CCNH: variants seen among roughly 807,000 people sequenced by gnomAD.
CCNH encodes the protein cyclin-H.
A neutral mutation model predicts 41.9 loss-of-function variants in CCNH; 31 were observed. The observed-to-expected ratio is 0.74, with a 90% CI of 0.56 to 1.00. The LOEUF is 1.00. CCNH is among the 50% of genes least tolerant of loss of function. The pLI is 0.00. For synonymous variants in CCNH, 138 were observed against 136.1 expected (o/e 1.01, Z -0.10); for missense variants, 362 against 388.4 (o/e 0.93, Z 0.57).
chr5:87,350,845 A>G (rs1414002111), intron 9 of CCNH, among the ~76,000 whole-genome samples: 1 of 151,716 alleles, frequency 6.6e-6, no homozygotes, highest in African/African-American at 2.4e-5. Flanking sequence ...TAGTTTTAAC[A>G]TTAAACTTCT....
chr5:87,379,904 AT>A, upstream of CCNH: 2 of 1,546,138 alleles, frequency 1.3e-6, no homozygotes, highest in Non-Finnish European at 1.8e-6. Flanking sequence ...GTCTTCAGAA[AT>A]TTCTATTTCT....
chr5:87,338,975 A>G (rs1240288334), intron 9 of CCNH, among the ~76,000 whole-genome samples: 1 of 152,096 alleles, frequency 6.6e-6, no homozygotes, highest in Non-Finnish European at 1.5e-5. Context: ...TGGCTTTTAT[A>G]TTTCAGAGAC....
chr5:87,341,347 GA>G (rs35694079), intron 9 of CCNH: 407 of 1,190,532 alleles, frequency 3.4e-4, no homozygotes, highest in South Asian at 1.1e-3. Flanking sequence ...TTATTAAAAT[GA>G]AAAAAAAAAT....
At chr5:87,389,315 G>A (rs980894455), downstream of CCNH, 13 of 1,564,764 alleles carry the variant, frequency 8.3e-6, no homozygotes, top group South Asian at 3.3e-5. Context: ...TGGGCAACAA[G>A]AGCGAAACTC....
chr5:87,342,995 T>C (rs1269754869), intron 9 of CCNH, among the ~76,000 whole-genome samples: 1 of 152,206 alleles, frequency 6.6e-6, no homozygotes, highest in Non-Finnish European at 1.5e-5. Flanking sequence ...TCTTCCATTT[T>C]TCTTAACTTT....
chr5:87,356,182 A>G (rs1001317888), intron 9 of CCNH, among the ~76,000 whole-genome samples: 4 of 152,114 alleles, frequency 2.6e-5, no homozygotes, highest in African/African-American at 4.8e-5. Flanking sequence ...CTGTGGGTAA[A>G]ATGGTATCAA....
At chr5:87,376,226 C>T, downstream of CCNH, 1 of 755,324 alleles carries the variant, frequency 1.3e-6, no homozygotes, top group Non-Finnish European at 2.2e-6. Flanking sequence ...GCACCGTAGA[C>T]ACTCAGTAAA....
chr5:87,359,952 C>T (rs1425345968), intron 9 of CCNH, among the ~76,000 whole-genome samples: 5 of 152,086 alleles, frequency 3.3e-5, no homozygotes, highest in African/African-American at 4.8e-5. Context: ...TGGAACACAG[C>T]CATCTTGTAA....
At chr5:87,383,102 CAAAG>C (rs892691685) in intron 9 of CCNH, among the ~76,000 whole-genome samples, 10 of 151,476 alleles carry the variant, frequency 6.6e-5, no homozygotes, top group Non-Finnish European at 1.5e-4. Context: ...TCAAAGAAAA[CAAAG>C]AAAAAAGGAA....
chr5:87,348,402 A>C (rs1282288050), intron 9 of CCNH, among the ~76,000 whole-genome samples: 3 of 152,044 alleles, frequency 2.0e-5, no homozygotes, highest in Non-Finnish European at 4.4e-5. Flanking sequence ...GAAAAGGCAG[A>C]GCATCTATGT....
At chr5:87,387,457 G>A (rs1762141243), downstream of CCNH, among the ~76,000 whole-genome samples, 1 of 152,154 alleles carries the variant, frequency 6.6e-6, no homozygotes, top group Non-Finnish European at 1.5e-5. Context: ...CTAGGACCCT[G>A]CCTTTCTTAA....
chr5:87,406,412 T>C (rs972568511), intron 4 of CCNH, among the ~76,000 whole-genome samples: 25 of 151,910 alleles, frequency 1.6e-4, no homozygotes, highest in African/African-American at 4.4e-4. Context: ...AACCTGGGGG[T>C]TCTTCCTCTG....
chr5:87,411,927 T>C (rs578204001), intron 1 of CCNH, among the ~76,000 whole-genome samples: 7 of 151,828 alleles, frequency 4.6e-5, no homozygotes, highest in Non-Finnish European at 8.8e-5. Flanking sequence ...CTTGCTGGAG[T>C]GGAGCTTGCA....
At chr5:87,389,920 AATG>A (rs1475984724), downstream of CCNH, among the ~76,000 whole-genome samples, 14 of 152,280 alleles carry the variant, frequency 9.2e-5, no homozygotes, top group East Asian at 2.5e-3. Flanking sequence ...CTGTGAAACA[AATG>A]ATTATTATTT....
intron 9 of CCNH, chr5:87,330,804 T>G (rs1439471982): frequency 2.1e-6 from 1 of 486,946 alleles, no homozygotes; most frequent in Non-Finnish European, 3.4e-6. Flanking sequence ...GTAGATTATC[T>G]TAGAGCCAAA....
downstream of CCNH, among the ~76,000 whole-genome samples, chr5:87,316,000 TA>T (rs1223627546): frequency 2.6e-5 from 4 of 152,172 alleles, no homozygotes; most frequent in African/African-American, 4.8e-5. Context: ...TCCTTAAAAT[TA>T]AAAAAATTAT....
chr5:87,368,051 C>G (rs1389224968), intron 9 of CCNH, among the ~76,000 whole-genome samples: 1 of 152,004 alleles, frequency 6.6e-6, no homozygotes, highest in East Asian at 1.9e-4. Context: ...TTAGAAAACT[C>G]TTGGTTAGTA....
intron 2 of CCNH, 50 bp downstream of exon 2, chr5:87,411,174 T>C (rs1764206315): frequency 6.5e-7 from 1 of 1,541,988 alleles, no homozygotes; most frequent in African/African-American, 1.4e-5. Flanking sequence ...AGAGGTCAAA[T>C]TTCACAAGCC....
At chr5:87,407,373 C>A (rs1580460943) in intron 4 of CCNH, among the ~76,000 whole-genome samples, 1 of 152,246 alleles carries the variant, frequency 6.6e-6, no homozygotes, top group East Asian at 1.9e-4. Context: ...ATAGAAGGTA[C>A]CCAAATTGAG....
Sources: gnomAD v4.1 joint callset for allele counts (sites outside exome capture counted in the v4.1 genomes callset) on GRCh38, gnomAD v4.1.1 for gene constraint, MANE v1.5 for transcripts, NCBI Gene and HGNC (gene_info 2026-07-23, HGNC 2026-07-21) for gene names.